Variants in APLP1 observed in about 807,000 individuals in gnomAD.
APLP1 encodes the protein amyloid beta (A4) precursor-like protein 1.
Under a neutral mutation model 84.5 loss-of-function variants are expected in APLP1, and 46 were observed. The observed-to-expected ratio is 0.54, with a 90% CI of 0.43 to 0.70. The LOEUF is 0.70. Among genes scored for constraint, APLP1 ranks in the 30% least tolerant of loss-of-function variants. The probability of loss-of-function intolerance (pLI) is 0.00; values close to 1 mark genes in which losing one functional copy is unlikely to be tolerated. For synonymous variants in APLP1, 376 were observed against 364.0 expected (o/e 1.03, Z -0.38); for missense variants, 826 against 900.2 (o/e 0.92, Z 1.05).
At chr19:35,873,557 T>C (rs1415554902) in intron 7 of APLP1, 82 bp from the exon 8 acceptor site, 2 of 1,445,626 alleles carry the variant, frequency 1.4e-6, no homozygotes, top group Non-Finnish European at 1.9e-6. Flanking sequence ...ATGGGGCTTC[T>C]AAAATCTTAA....
chr19:35,869,949 C>CA, intron 2 of APLP1, 139 bp downstream of exon 2: 1 of 1,123,230 alleles, frequency 8.9e-7, no homozygotes, highest in Non-Finnish European at 1.2e-6. Context: ...ATGCTAGGGG[C>CA]AGGGGACCTG....
intron 2 of APLP1, 139 bp from the exon 3 acceptor site, chr19:35,870,757 C>T: frequency 8.0e-7 from 1 of 1,257,854 alleles, no homozygotes; most frequent in Non-Finnish European, 1.1e-6. Flanking sequence ...CCACTCCAGC[C>T]TGGGCGACAA....
At chr19:35,870,780 G>A (rs371521094) in intron 2 of APLP1, 116 bp from the exon 3 acceptor site, 5 of 1,398,724 alleles carry the variant, frequency 3.6e-6, no homozygotes, top group Middle Eastern at 2.0e-4. Flanking sequence ...GCAAATCTCC[G>A]TCTCAAAGAA....
intron 13 of APLP1, 70 bp from the exon 14 acceptor site, chr19:35,878,514 C>G: frequency 6.5e-7 from 1 of 1,544,652 alleles, no homozygotes; most frequent in Non-Finnish European, 8.9e-7. Flanking sequence ...CCACTGCACT[C>G]CAGCCTGGGT....
chr19:35,870,552 G>A (rs1376751545), intron 2 of APLP1: 4 of 245,278 alleles, frequency 1.6e-5, no homozygotes, highest in Non-Finnish European at 2.4e-5. Context: ...GGGAGGCCGA[G>A]GCAGGCGGAT....
intron 7 of APLP1, among the ~76,000 whole-genome samples, chr19:35,873,101 C>T (rs2146906713): frequency 6.6e-6 from 1 of 151,776 alleles, no homozygotes; most frequent in South Asian, 2.1e-4. Context: ...GGGAGGAGAT[C>T]CACCCGCCTC....
At chr19:35,878,807 G>A in intron 14 of APLP1, 83 bp from the exon 15 acceptor site, 1 of 1,569,510 alleles carries the variant, frequency 6.4e-7, no homozygotes, top group Non-Finnish European at 8.8e-7. Flanking sequence ...AAATGAGAGG[G>A]CTGGGGGACG....
In APLP1 at chr19:35,871,912, C is replaced by T. The variant is rs148987065; in HGVS notation, c.726C>T (p.Asp242=). 5.5e-4 allele frequency: 881 copies of T among 1,614,016 alleles called. 1 individual carries two copies. The highest frequency in any genetic ancestry group is 6.3e-4 in the Non-Finnish European group (745 of 1,179,998). The stretch of plus-strand genomic sequence containing the variant: ...GGAGCAGAGTAGAGGGGGCTGAGGA[C>T]GAGGAAGAGGAGGAATCCTTCCCAC... The part of the protein sequence containing the change: ...PPGSRVEGAE[D]EEEEESFPQP... Residue 242 remains aspartate, a synonymous_variant, in exon 6 of 17, where the codon GAC becomes GAT. Coordinates refer to ENST00000221891, the MANE Select transcript of APLP1 (RefSeq NM_001024807.3).
chr19:35,872,105 G>T, intron 6 of APLP1, 69 bp downstream of exon 6: 5 of 1,542,798 alleles, frequency 3.2e-6, no homozygotes, highest in Non-Finnish European at 4.4e-6. Flanking sequence ...GAGTCTTGCT[G>T]GGGGGTGTCT....
chr19:35,877,600 C>G (rs1251877904), intron 11 of APLP1, 118 bp from the exon 12 acceptor site: 2 of 648,108 alleles, frequency 3.1e-6, no homozygotes, highest in African/African-American at 3.9e-5. Context: ...TTCTGGCTAC[C>G]CCACACTTGG....
Position 35,870,901 on chromosome 19 carries a change from C to G in APLP1, c.297C>G (p.Tyr99Ter). The G allele has an allele frequency of 6.2e-7, 1 of 1,604,412 alleles. No individual in the cohort carries two copies. The change falls in exon 3 of 17, where the codon TAC (tyrosine) becomes TAG (stop). Residue 99 changes from tyrosine (Y) to a stop codon, truncating the protein, a stop_gained. Coordinates refer to ENST00000221891, the MANE Select transcript of APLP1 (RefSeq NM_001024807.3). LOFTEE classifies it high-confidence loss of function. ...QRVLEYCRQM[Y>*]PELQIARVEQ... is the part of the protein sequence containing the mutation. ...CCCCCATCTGATCCCCCCAGATGTA[C>G]CCGGAGCTGCAGATTGCACGTGTGG...
chr19:35,870,148 G>A (rs190660207), intron 2 of APLP1: 18 of 326,684 alleles, frequency 5.5e-5, no homozygotes, highest in African/African-American at 3.1e-4. Context: ...CCCAATGAGA[G>A]CGCGGAGAGC....
chr19:35,871,583 C>T (rs1974148531), intron 4 of APLP1, 29 bp from the exon 5 acceptor site: 1 of 1,612,784 alleles, frequency 6.2e-7, no homozygotes, highest in Non-Finnish European at 8.5e-7. Flanking sequence ...ATCCCACAAT[C>T]CTGGCATCTG....
rs759877114 is a variant in APLP1 at position 35,871,728 on chromosome 19, A to C, written c.654A>C (p.Pro218=). ...GTCCCCCTCCAGGGACCCCCGACCC[A>C]TCTGGGACAGCAGTTGGGTGAGTGG... The part of the protein sequence containing the change: ...VCCPPPGTPD[P]SGTAVGDPST... Residue 218 remains proline (P), a synonymous_variant, in exon 5 of 17, where the codon CCA becomes CCC. Transcript: ENST00000221891. The C allele has an allele frequency of 1.2e-6, 2 of 1,613,948 alleles. No homozygotes were observed.
intron 6 of APLP1, 34 bp from the exon 7 acceptor site, chr19:35,872,449 C>T: frequency 6.2e-7 from 1 of 1,603,002 alleles, no homozygotes; most frequent in Non-Finnish European, 8.5e-7. Flanking sequence ...TGGAGGTGGG[C>T]TGCAGACTGA....
intron 14 of APLP1, 60 bp from the exon 15 acceptor site, chr19:35,878,830 C>G (rs994983224): frequency 6.2e-7 from 1 of 1,603,152 alleles, no homozygotes; most frequent in African/African-American, 1.3e-5. Flanking sequence ...CTCTTGGGCC[C>G]TTGGGTAGGA....
At chr19:35,869,901 TG>T in intron 2 of APLP1, 91 bp downstream of exon 2, 1 of 1,482,012 alleles carries the variant, frequency 6.7e-7, no homozygotes, top group Non-Finnish European at 9.0e-7. Context: ...ATCTAAGGCG[TG>T]GAGGCTGGGG....
intron 3 of APLP1, 28 bp downstream of exon 3, chr19:35,871,056 T>C (rs1421405891): frequency 6.6e-6 from 10 of 1,504,798 alleles, no homozygotes; most frequent in Non-Finnish European, 1.8e-6. Context: ...AGAGGGGAAC[T>C]GAGGTGGGAG....
intron 6 of APLP1, 133 bp downstream of exon 6, chr19:35,872,169 C>G: frequency 8.3e-7 from 1 of 1,206,798 alleles, no homozygotes; most frequent in Non-Finnish European, 1.1e-6. Flanking sequence ...ACGAGAGTAT[C>G]TTTGGATAAA....
Sources: allele counts gnomAD v4.1 joint callset (sites outside exome capture counted in the v4.1 genomes callset), GRCh38; gene constraint gnomAD v4.1.1; transcripts MANE v1.5; gene names NCBI Gene and HGNC (gene_info 2026-07-23, HGNC 2026-07-21).